SAMD5: variants seen among roughly 807,000 people sequenced by gnomAD.
SAMD5 encodes the protein sterile alpha motif domain containing 5.
SAMD5 carries 13 observed loss-of-function variants against 11.3 expected under a neutral mutation model. The observed-to-expected ratio is 1.15, with a 90% confidence interval of 0.75 to 1.83. The LOEUF is 1.83. Among genes scored for constraint, SAMD5 ranks in the 40% most tolerant of loss-of-function variants. SAMD5 has a pLI of 0.00. For missense variants in SAMD5, 255 were observed against 239.1 expected (o/e 1.07, Z -0.44); for synonymous variants, 129 against 111.3 (o/e 1.16, Z -1.00).
intron 1 of SAMD5, among the ~76,000 whole-genome samples, chr6:147,700,580 G>T (rs563709283): frequency 5.1e-5 from 6 of 117,572 alleles, no homozygotes; most frequent in African/African-American, 1.5e-4. Flanking sequence ...TGTATCTCAG[G>T]CCCTGTCCAC....
At chr6:147,698,205 C>A (rs919754313) in intron 1 of SAMD5, among the ~76,000 whole-genome samples, 9 of 152,034 alleles carry the variant, frequency 5.9e-5, no homozygotes, top group Non-Finnish European at 1.3e-4. Flanking sequence ...GGCCACAGAC[C>A]GGTACCTGTC....
chr6:147,833,929 G>A, the SAMD5 span, among the ~76,000 whole-genome samples: 2 of 152,320 alleles, frequency 1.3e-5, no homozygotes, highest in East Asian at 3.9e-4. Flanking sequence ...TAATAGATAG[G>A]ATGGAATGGG....
intron 1 of SAMD5, among the ~76,000 whole-genome samples, chr6:147,583,105 A>G (rs971076666): frequency 2.0e-5 from 3 of 152,264 alleles, no homozygotes; most frequent in Non-Finnish European, 4.4e-5. Flanking sequence ...AACAGGACAT[A>G]TAAAATCCAT....
the SAMD5 span, among the ~76,000 whole-genome samples, chr6:147,928,748 G>A: frequency 6.6e-6 from 1 of 152,012 alleles, no homozygotes; most frequent in Non-Finnish European, 1.5e-5. Context: ...TTTCAGTTGT[G>A]ATGTTAGGTT....
chr6:147,939,942 A>T, the SAMD5 span, among the ~76,000 whole-genome samples: 6 of 152,156 alleles, frequency 3.9e-5, no homozygotes, highest in African/African-American at 1.4e-4. Flanking sequence ...GGAGGGAACT[A>T]GCTCAGTTTA....
At chr6:147,843,567 G>A in the SAMD5 span, among the ~76,000 whole-genome samples, 177 of 152,200 alleles carry the variant, frequency 1.2e-3, 1 homozygote, top group Non-Finnish European at 1.7e-3. Context: ...CAAAGCTGGG[G>A]TCATCACACC....
intron 1 of SAMD5, among the ~76,000 whole-genome samples, chr6:147,540,540 A>C (rs1042544617): frequency 1.3e-5 from 2 of 152,184 alleles, no homozygotes; most frequent in African/African-American, 4.8e-5. Flanking sequence ...GGTTTCAGAG[A>C]CCTGTAGCAA....
At chr6:147,546,793 C>T (rs1392521610) in intron 1 of SAMD5, among the ~76,000 whole-genome samples, 2 of 152,160 alleles carry the variant, frequency 1.3e-5, no homozygotes, top group Admixed American at 1.3e-4. Context: ...GCCAAAAATG[C>T]ATGGCATCTT....
At chr6:147,652,305 G>T (rs991512307) in intron 1 of SAMD5, among the ~76,000 whole-genome samples, 4 of 151,040 alleles carry the variant, frequency 2.6e-5, no homozygotes, top group African/African-American at 4.9e-5. Context: ...TGGTTGGTTG[G>T]TTTTTTTTTA....
the SAMD5 span, among the ~76,000 whole-genome samples, chr6:147,926,268 T>C: frequency 2.0e-5 from 3 of 152,328 alleles, no homozygotes; most frequent in Non-Finnish European, 4.4e-5. Context: ...GTCACACTGC[T>C]TTCCACAATG....
chr6:147,513,892 A>C (rs1256023076), intron 1 of SAMD5, among the ~76,000 whole-genome samples: 1 of 152,206 alleles, frequency 6.6e-6, no homozygotes, highest in Non-Finnish European at 1.5e-5. Flanking sequence ...CATGCCGTCG[A>C]GGACCTTTGC....
At chr6:147,575,250 GT>G (rs1163856582) in intron 1 of SAMD5, among the ~76,000 whole-genome samples, 9 of 152,222 alleles carry the variant, frequency 5.9e-5, no homozygotes, top group African/African-American at 2.2e-4. Flanking sequence ...CATTGCTAAA[GT>G]AGCACTTCAG....
chr6:147,653,803 C>T (rs1562343982), intron 1 of SAMD5, among the ~76,000 whole-genome samples: 1 of 152,008 alleles, frequency 6.6e-6, no homozygotes, highest in Admixed American at 6.5e-5. Flanking sequence ...CTGCTTTGTT[C>T]TTTCCTGTGG....
chr6:147,793,296 C>T, the SAMD5 span, among the ~76,000 whole-genome samples: 2 of 152,114 alleles, frequency 1.3e-5, no homozygotes, highest in South Asian at 2.1e-4. Context: ...AACTGAGGGA[C>T]GTTCTACAAA....
the SAMD5 span, among the ~76,000 whole-genome samples, chr6:147,816,301 A>AAT: frequency 2.2e-3 from 148 of 66,308 alleles, 2 homozygotes; most frequent in Middle Eastern, 0.014. Flanking sequence ...AAAAAAAAAA[A>AAT]ATATATATAT....
chr6:147,657,677 G>A (rs908155607), intron 1 of SAMD5, among the ~76,000 whole-genome samples: 2 of 152,110 alleles, frequency 1.3e-5, no homozygotes, highest in Non-Finnish European at 2.9e-5. Context: ...TGGCAGATTC[G>A]GTGTCCGGTG....
chr6:147,655,660 T>C (rs1790554425), intron 1 of SAMD5, among the ~76,000 whole-genome samples: 1 of 152,194 alleles, frequency 6.6e-6, no homozygotes, highest in African/African-American at 2.4e-5. Context: ...TCTACTTGAT[T>C]CTCTAGAATT....
chr6:147,870,839 G>A, the SAMD5 span, among the ~76,000 whole-genome samples: 1 of 148,956 alleles, frequency 6.7e-6, no homozygotes, highest in East Asian at 2.0e-4. Context: ...AGGGAGGGAG[G>A]AAGGAAGGAA....
chr6:147,951,326 A>C, the SAMD5 span, among the ~76,000 whole-genome samples: 445 of 151,768 alleles, frequency 2.9e-3, 2 homozygotes, highest in African/African-American at 9.9e-3. Context: ...GGACTACAGG[A>C]GCCCACCAAC....
Sources: allele counts gnomAD v4.1 joint callset (sites outside exome capture counted in the v4.1 genomes callset), GRCh38; gene constraint gnomAD v4.1.1; transcripts MANE v1.5; gene names NCBI Gene and HGNC (gene_info 2026-07-23, HGNC 2026-07-21).